Variants in NFIB observed in about 807,000 individuals in gnomAD.
NFIB encodes nuclear factor I B, also known as nuclear factor 1 B-type.
A neutral mutation model predicts 61.5 loss-of-function variants in NFIB; 11 were observed. The observed-to-expected ratio is 0.18, with a 90% CI of 0.11 to 0.30. NFIB has a LOEUF of 0.30. Ranked by LOEUF, NFIB falls within the 10% of genes least tolerant of loss-of-function variation. NFIB has a pLI of 1.00. For missense variants in NFIB, 471 were observed against 608.9 expected, an observed-to-expected ratio of 0.77 and a Z score of 2.38; for synonymous variants, 260 against 216.5, an observed-to-expected ratio of 1.20 and a Z score of -1.76.
chr9:14,155,770 T>C (rs12349255), intron 4 of NFIB, 55 bp downstream of exon 4: 864,985 of 1,122,766 alleles, frequency 0.77, 350,949 homozygotes, highest in Non-Finnish European at 0.85. Flanking sequence ...GTTCAAAATA[T>C]AAAGTATTTT....
chr9:14,175,580 G>C (rs1005801550), intron 3 of NFIB, among the ~76,000 whole-genome samples: 23 of 152,148 alleles, frequency 1.5e-4, no homozygotes, highest in African/African-American at 5.6e-4. Context: ...CCTTGCTCCA[G>C]AGAGGATATA....
the NFIB span, among the ~76,000 whole-genome samples, chr9:14,514,842 C>G: frequency 6.6e-6 from 1 of 152,054 alleles, no homozygotes; most frequent in Non-Finnish European, 1.5e-5. Context: ...ACCAAATGAA[C>G]CAGAATCACA....
chr9:14,161,322 T>C (rs1294530058), intron 3 of NFIB, among the ~76,000 whole-genome samples: 1 of 152,136 alleles, frequency 6.6e-6, no homozygotes, highest in East Asian at 1.9e-4. Flanking sequence ...TCTCAGCCTA[T>C]AGCCCAGGTT....
intron 2 of NFIB, among the ~76,000 whole-genome samples, chr9:14,259,653 T>A (rs548377848): frequency 2.6e-5 from 4 of 152,056 alleles, no homozygotes; most frequent in African/African-American, 9.7e-5. Context: ...GTAATCCCAG[T>A]ACTTTGGGAG....
the NFIB span, among the ~76,000 whole-genome samples, chr9:14,514,733 T>G: frequency 6.6e-6 from 1 of 152,116 alleles, no homozygotes; most frequent in African/African-American, 2.4e-5. Flanking sequence ...CTTGATTACT[T>G]TTTTTAGGAC....
intron 1 of NFIB, among the ~76,000 whole-genome samples, chr9:14,354,780 CTGTGTGTGTGTG>C (rs67877825): frequency 1.1e-4 from 16 of 145,776 alleles, no homozygotes; most frequent in East Asian, 4.0e-4. Context: ...AATGGGTACT[CTGTGTGTGTGTG>C]TGTGTGTGTG....
chr9:14,147,828 G>A (rs1049097247), intron 5 of NFIB, among the ~76,000 whole-genome samples: 19 of 151,756 alleles, frequency 1.3e-4, no homozygotes, highest in African/African-American at 4.6e-4. Context: ...TTTTTGTAGA[G>A]ATGGGGTTTT....
At chr9:14,221,559 C>A (rs917987510) in intron 2 of NFIB, among the ~76,000 whole-genome samples, 6 of 152,194 alleles carry the variant, frequency 3.9e-5, no homozygotes, top group Admixed American at 1.3e-4. Flanking sequence ...CAGCCACATA[C>A]CACACTGCCC....
At chr9:14,447,750 C>T in the NFIB span, among the ~76,000 whole-genome samples, 1 of 152,072 alleles carries the variant, frequency 6.6e-6, no homozygotes, top group East Asian at 1.9e-4. Flanking sequence ...CCTTGGTGGG[C>T]TCTGGGATTT....
chr9:14,333,080 G>A (rs1393030010), intron 1 of NFIB, among the ~76,000 whole-genome samples: 6 of 152,310 alleles, frequency 3.9e-5, no homozygotes, highest in African/African-American at 1.4e-4. Context: ...AGCTTTGGCA[G>A]CTGATCTGGA....
intron 1 of NFIB, among the ~76,000 whole-genome samples, chr9:14,323,112 A>G (rs2060701752): frequency 6.6e-6 from 1 of 152,244 alleles, no homozygotes; most frequent in Admixed American, 6.5e-5. Context: ...GACTCCCGAA[A>G]TGTTCCTGGC....
At chr9:14,266,039 C>T (rs1029981469) in intron 2 of NFIB, among the ~76,000 whole-genome samples, 7 of 152,018 alleles carry the variant, frequency 4.6e-5, no homozygotes, top group African/African-American at 1.7e-4. Flanking sequence ...GGTGTGATGA[C>T]AGTAAAAAGG....
intron 10 of NFIB, among the ~76,000 whole-genome samples, chr9:14,111,050 C>T (rs1040647413): frequency 3.3e-5 from 5 of 152,094 alleles, no homozygotes; most frequent in East Asian, 1.9e-4. Context: ...CTGAACAAAA[C>T]GTATTCACAT....
At chr9:14,431,708 A>G in the NFIB span, among the ~76,000 whole-genome samples, 1 of 151,448 alleles carries the variant, frequency 6.6e-6, no homozygotes, top group Non-Finnish European at 1.5e-5. Flanking sequence ...AGAGTCAGGA[A>G]GGTTTTGTGC....
At chr9:14,220,222 ATTAG>A in intron 2 of NFIB, among the ~76,000 whole-genome samples, 1 of 152,328 alleles carries the variant, frequency 6.6e-6, no homozygotes, top group South Asian at 2.1e-4. Flanking sequence ...TTTTAATCTC[ATTAG>A]TTATTATTGA....
At chr9:14,317,701 A>T (rs1230253841), upstream of NFIB, among the ~76,000 whole-genome samples, 1 of 152,192 alleles carries the variant, frequency 6.6e-6, no homozygotes, top group Non-Finnish European at 1.5e-5. Context: ...TGTCCAGCCA[A>T]TGCCAAGGTC....
At position 14,087,461 on chromosome 9, in the gene NFIB, G is replaced by T. The variant is rs1248343341; in HGVS notation, c.*848C>A. ...GCCTCTGTTAAGTGTTTCTTTTGTG[G>T]GGAAAATATTATATTAATTTTTACT... On this transcript the variant is annotated 3_prime_UTR_variant, in exon 11 of 11. Transcript: ENST00000380953. The T allele has an allele frequency of 4.5e-6, 1 of 221,190 alleles. No homozygotes were observed. Among genetic ancestry groups the T allele is most frequent in the Non-Finnish European group, 9.1e-6 (1 of 110,222 alleles). 13.7% of individuals were successfully genotyped at this position (221,190 alleles called of 1,614,324 possible). A position where few individuals can be genotyped will look rare whatever the true frequency, so the allele number is the denominator to read the frequency against.
intron 3 of NFIB, among the ~76,000 whole-genome samples, chr9:14,172,024 C>A (rs879309122): frequency 6.6e-6 from 1 of 151,972 alleles, no homozygotes; most frequent in East Asian, 1.9e-4. Flanking sequence ...TTCAGAGGCA[C>A]GGGCAAAGTT....
chr9:14,420,465 A>AAAAAAAAAAAAAAAACAC, the NFIB span, among the ~76,000 whole-genome samples: 1 of 150,542 alleles, frequency 6.6e-6, no homozygotes, highest in East Asian at 1.9e-4. Context: ...AAAAAAAAAA[A>AAAAAAAAAAAAAAAACAC]AAAAAGATGC....
Sources: allele counts gnomAD v4.1 joint callset (sites outside exome capture counted in the v4.1 genomes callset), GRCh38; gene constraint gnomAD v4.1.1; transcripts MANE v1.5; gene names NCBI Gene and HGNC (gene_info 2026-07-23, HGNC 2026-07-21).